RFX3: variants seen among roughly 807,000 people sequenced by gnomAD.
RFX3 encodes regulatory factor X3.
In RFX3, 14 loss-of-function variants were observed where a neutral mutation model predicts 98.6. The ratio of observed to expected loss-of-function variants is 0.14; its 90% confidence interval spans 0.09 to 0.22. The LOEUF is 0.22. RFX3 is among the 10% of genes least tolerant of loss of function. The pLI, the probability that RFX3 is intolerant of heterozygous loss-of-function variation, is 1.00. For synonymous variants in RFX3, 383 were observed against 328.4 expected (o/e 1.17, Z -1.80); for missense variants, 639 against 926.9 (o/e 0.69, Z 4.03).
chr9:3,399,775 C>A (rs1841292828), intron 1 of RFX3, among the ~76,000 whole-genome samples: 1 of 151,666 alleles, frequency 6.6e-6, no homozygotes, highest in Non-Finnish European at 1.5e-5. Context: ...CATGGTGAAA[C>A]CCCGCCTCTA....
intron 1 of RFX3, among the ~76,000 whole-genome samples, chr9:3,438,509 G>A (rs889292640): frequency 2.0e-5 from 3 of 151,966 alleles, no homozygotes; most frequent in African/African-American, 7.2e-5. Flanking sequence ...CAAATGGCAA[G>A]ATGACAAAAG....
chr9:3,400,954 A>C (rs895662777), intron 1 of RFX3, among the ~76,000 whole-genome samples: 16 of 152,224 alleles, frequency 1.1e-4, no homozygotes, highest in African/African-American at 3.9e-4. Flanking sequence ...ACATGATGTC[A>C]ACCAGTACAT....
chr9:3,318,344 G>A (rs186473563), intron 4 of RFX3, among the ~76,000 whole-genome samples: 1,599 of 152,178 alleles, frequency 0.011, 10 homozygotes, highest in African/African-American at 0.017. Flanking sequence ...GACACAGGAA[G>A]GGGAACATCA....
In RFX3 at chr9:3,467,092, ATATG is replaced by A. The variant is rs572088169; in HGVS notation, c.-9+58651_-9+58654del. ...TAAGTATATATGTATATACATACAT[ATATG>A]TAAGTATATATGTATATACATACAT... On this transcript the variant is annotated intron_variant, in intron 1 of 16. Transcript: ENST00000617270. Among the ~76,000 whole-genome samples the A allele has an allele frequency of 6.8e-3, 959 of 141,454 alleles. 8 individuals carry two copies. Among genetic ancestry groups the A allele is most frequent in the Non-Finnish European group, 0.011 (749 of 65,600 alleles). 92.8% of individuals were successfully genotyped at this position (141,454 alleles called of 152,430 possible).
chr9:3,525,039 C>T (rs1411112117), intron 1 of RFX3, among the ~76,000 whole-genome samples: 1 of 151,300 alleles, frequency 6.6e-6, no homozygotes, highest in Admixed American at 6.6e-5. Flanking sequence ...GATGTTAAGA[C>T]TGTTTGCCGC....
chr9:3,399,337 T>G (rs1023101786), intron 1 of RFX3, among the ~76,000 whole-genome samples: 12 of 149,744 alleles, frequency 8.0e-5, no homozygotes. Context: ...CCAGCTACTA[T>G]GGAGGCTGAG....
At chr9:3,458,512 A>C (rs1398531822) in intron 1 of RFX3, among the ~76,000 whole-genome samples, 10 of 152,212 alleles carry the variant, frequency 6.6e-5, no homozygotes, top group Admixed American at 5.2e-4. Context: ...ATGGAGTAGA[A>C]GAGTAATGGA....
chr9:3,294,648 C>T (rs1827784403), intron 5 of RFX3, among the ~76,000 whole-genome samples: 1 of 152,138 alleles, frequency 6.6e-6, no homozygotes, highest in African/African-American at 2.4e-5. Context: ...GAATTACTGA[C>T]TTTAGTCATG....
At chr9:3,509,487 G>C (rs1392102594) in intron 1 of RFX3, among the ~76,000 whole-genome samples, 1 of 151,484 alleles carries the variant, frequency 6.6e-6, no homozygotes, top group African/African-American at 2.4e-5. Flanking sequence ...CCCAATAAGA[G>C]GAAATACAAA....
chr9:3,431,585 G>C (rs1217311191), intron 1 of RFX3, among the ~76,000 whole-genome samples: 1 of 152,110 alleles, frequency 6.6e-6, no homozygotes, highest in Non-Finnish European at 1.5e-5. Flanking sequence ...ATGGGTGCAG[G>C]ATTGCTATAA....
chr9:3,488,109 T>G (rs989118402), intron 1 of RFX3, among the ~76,000 whole-genome samples: 1 of 152,130 alleles, frequency 6.6e-6, no homozygotes, highest in Non-Finnish European at 1.5e-5. Context: ...GATACTTCCT[T>G]ACTTCACATA....
rs1838156839 is a variant in RFX3, at chr9:3,374,007, G to C, written c.117+21465C>G. ...GCAGAAGAATCGCTTGAACCCGAGA[G>C]GCAGAGGTTGCAGTGAGTCGAGATG... On this transcript the variant is annotated intron_variant, in intron 2 of 16. Coordinates refer to ENST00000617270, the MANE Select transcript of RFX3 (RefSeq NM_001282116.2). 2.0e-5 allele frequency among the ~76,000 whole-genome samples: 3 copies of C among 152,214 alleles called. 1 individual carries two copies. The South Asian group carries it at 6.2e-4, about 32-fold the overall frequency.
intron 2 of RFX3, among the ~76,000 whole-genome samples, chr9:3,360,941 T>C (rs1214813682): frequency 1.3e-5 from 2 of 152,196 alleles, no homozygotes; most frequent in Admixed American, 1.3e-4. Context: ...CTAGTCTCTT[T>C]GTAAAAATTT....
At chr9:3,409,875 G>A (rs577786240) in intron 1 of RFX3, among the ~76,000 whole-genome samples, 5 of 151,922 alleles carry the variant, frequency 3.3e-5, no homozygotes, top group South Asian at 4.2e-4. Context: ...TCAACCAAAT[G>A]GATCCATTAG....
At chr9:3,434,480 T>C (rs1844939484) in intron 1 of RFX3, among the ~76,000 whole-genome samples, 1 of 152,144 alleles carries the variant, frequency 6.6e-6, no homozygotes, top group African/African-American at 2.4e-5. Flanking sequence ...CAAAAGCTAG[T>C]TGTTGACAAA....
At chr9:3,311,964 T>C (rs544491495) in intron 4 of RFX3, among the ~76,000 whole-genome samples, 35 of 152,154 alleles carry the variant, frequency 2.3e-4, no homozygotes, top group African/African-American at 7.2e-4. Flanking sequence ...CTTTCATACA[T>C]GTATTGTAAA....
intron 1 of RFX3, among the ~76,000 whole-genome samples, chr9:3,456,984 T>TCTTGGCA (rs1847225444): frequency 6.6e-6 from 1 of 151,446 alleles, no homozygotes; most frequent in Non-Finnish European, 1.5e-5. Context: ...CCGTCTCTAC[T>TCTTGGCA]ACAGAAATTA....
At chr9:3,443,188 AACATTT>A (rs1446400627) in intron 1 of RFX3, among the ~76,000 whole-genome samples, 2 of 152,322 alleles carry the variant, frequency 1.3e-5, no homozygotes, top group African/African-American at 4.8e-5. Context: ...TAGAATGGCT[AACATTT>A]TATTTTCTTC....
At chr9:3,352,790 C>A (rs1835301626) in intron 2 of RFX3, among the ~76,000 whole-genome samples, 1 of 151,960 alleles carries the variant, frequency 6.6e-6, no homozygotes, top group Non-Finnish European at 1.5e-5. Context: ...GGGTTCTGAC[C>A]TAGAACCATT....
Sources: allele counts gnomAD v4.1 joint callset (sites outside exome capture counted in the v4.1 genomes callset), GRCh38; gene constraint gnomAD v4.1.1; transcripts MANE v1.5; gene names NCBI Gene and HGNC (gene_info 2026-07-23, HGNC 2026-07-21).